HDAC9: variants seen among roughly 807,000 people sequenced by gnomAD.
The protein encoded by HDAC9 is MEF-2 interacting transcription repressor (MITR) protein.
A neutral mutation model predicts 139.4 loss-of-function variants in HDAC9; 41 were observed. The observed-to-expected ratio is 0.29, with a 90% confidence interval of 0.23 to 0.38. The LOEUF (loss-of-function observed/expected upper bound fraction) is 0.38. HDAC9 is among the 10% of genes least tolerant of loss of function. HDAC9 has a pLI of 1.00. For synonymous variants in HDAC9, 517 were observed against 476.2 expected, an observed-to-expected ratio of 1.09 and a Z score of -1.12; for missense variants, 1,147 against 1,297.0, an observed-to-expected ratio of 0.88 and a Z score of 1.78.
At chr7:18,156,676 A>C (rs1182096054) in intron 1 of HDAC9, among the ~76,000 whole-genome samples, 2 of 152,230 alleles carry the variant, frequency 1.3e-5, no homozygotes, top group African/African-American at 4.8e-5. Flanking sequence ...ATCATGGATG[A>C]AAGTACTCCA....
chr7:18,981,343 G>A (rs77174882), intron 25 of HDAC9, among the ~76,000 whole-genome samples: 18,961 of 152,060 alleles, frequency 0.12, 1,265 homozygotes, highest in Middle Eastern at 0.18. Context: ...AAGTGTTAGG[G>A]GCCAGGATCA....
intron 1 of HDAC9, among the ~76,000 whole-genome samples, chr7:18,295,345 C>G (rs1380079682): frequency 6.6e-6 from 1 of 151,928 alleles, no homozygotes; most frequent in Non-Finnish European, 1.5e-5. Flanking sequence ...TGCTAAGGAG[C>G]TAATAAATAA....
intron 12 of HDAC9, among the ~76,000 whole-genome samples, chr7:18,713,179 A>G (rs564717571): frequency 6.7e-6 from 1 of 150,120 alleles, no homozygotes; most frequent in African/African-American, 2.4e-5. Flanking sequence ...TGAGTGTCAT[A>G]AAAAAAAAAT....
At chr7:18,836,817 G>C (rs1184005816) in intron 21 of HDAC9, among the ~76,000 whole-genome samples, 2 of 152,066 alleles carry the variant, frequency 1.3e-5, no homozygotes, top group East Asian at 3.9e-4. Context: ...TTTGGAAGAG[G>C]TTTTAGCCTA....
rs1786486581 is a variant in HDAC9, at chr7:18,996,726, T to TA, written c.*666dup. 6.6e-6 allele frequency: 1 copy of TA among 152,192 alleles called. No homozygotes were observed. The highest frequency in any genetic ancestry group is 6.5e-5 in the Admixed American group (1 of 15,280). 9.4% of individuals were successfully genotyped at this position (152,192 alleles called of 1,614,324 possible). A position where few individuals can be genotyped will look rare whatever the true frequency, so the allele number is the denominator to read the frequency against. On this transcript the variant is annotated 3_prime_UTR_variant, in exon 26 of 26. Transcript: ENST00000686413. ...CCAAAGGAACCTCACACACTGTTTGTAATGGTGCAATATTTTATATCACTT... is the reference window on the plus strand; with the variant it reads ...CCAAAGGAACCTCACACACTGTTTGTAAATGGTGCAATATTTTATATCACTT...
At chr7:18,402,923 C>T (rs575927997) in intron 1 of HDAC9, among the ~76,000 whole-genome samples, 51 of 152,020 alleles carry the variant, frequency 3.4e-4, no homozygotes, top group Non-Finnish European at 6.2e-4. Context: ...CTAAACAGAG[C>T]GATTATATAA....
chr7:18,782,021 C>T (rs1463336922), intron 16 of HDAC9, among the ~76,000 whole-genome samples: 1 of 152,042 alleles, frequency 6.6e-6, no homozygotes, highest in Non-Finnish European at 1.5e-5. Context: ...AATGAAAAAC[C>T]TCTGTTTCTT....
intron 3 of HDAC9, among the ~76,000 whole-genome samples, chr7:18,586,633 G>T (rs1049294391): frequency 1.3e-5 from 2 of 151,840 alleles, no homozygotes; most frequent in Non-Finnish European, 2.9e-5. Context: ...TATATTACTT[G>T]GTTTACAAGA....
chr7:18,606,453 A>G (rs967782210), intron 6 of HDAC9, among the ~76,000 whole-genome samples: 5 of 152,218 alleles, frequency 3.3e-5, no homozygotes, highest in African/African-American at 1.2e-4. Context: ...ATCAGTGTCC[A>G]GCTTGCTCAT....
Position 18,771,237 on chromosome 7 carries a change from C to A in HDAC9, c.2214+4082C>A, listed in dbSNP as rs149574015. ...AGTCAATCTGTGAACACAAAGCTAG[C>A]TTTTTATTACGACTTTTACTCTGTT... On this transcript the variant is annotated intron_variant, in intron 16 of 25. Coordinates refer to ENST00000686413, the MANE Select transcript of HDAC9 (RefSeq NM_178425.4). Among the ~76,000 whole-genome samples, 355 of 152,178 alleles carry A rather than the reference C, an allele frequency of 2.3e-3. 2 individuals carry two copies. Among genetic ancestry groups the A allele is most frequent in the Admixed American group, 5.0e-3 (76 of 15,276 alleles).
At chr7:18,444,446 T>A (rs1208964535) in intron 1 of HDAC9, among the ~76,000 whole-genome samples, 2 of 151,910 alleles carry the variant, frequency 1.3e-5, no homozygotes, top group African/African-American at 2.4e-5. Flanking sequence ...CACACTCAGT[T>A]ACATATCTTG....
chr7:18,696,327 A>G (rs533123191), intron 12 of HDAC9, among the ~76,000 whole-genome samples: 3 of 148,790 alleles, frequency 2.0e-5, no homozygotes, highest in Non-Finnish European at 3.0e-5. Flanking sequence ...CTATATTATA[A>G]TTATATACTT....
At chr7:18,356,222 T>C (rs1423501503) in intron 1 of HDAC9, among the ~76,000 whole-genome samples, 1 of 152,132 alleles carries the variant, frequency 6.6e-6, no homozygotes, top group East Asian at 1.9e-4. Context: ...CTTCTCTAAT[T>C]TGAAGTATGA....
At chr7:18,449,391 A>G (rs1792589033) in intron 1 of HDAC9, among the ~76,000 whole-genome samples, 1 of 152,202 alleles carries the variant, frequency 6.6e-6, no homozygotes, top group African/African-American at 2.4e-5. Flanking sequence ...TATATGACTC[A>G]ATTTTTATAA....
intron 1 of HDAC9, among the ~76,000 whole-genome samples, chr7:18,102,005 T>C (rs1436152401): frequency 1.3e-5 from 2 of 152,208 alleles, no homozygotes; most frequent in Non-Finnish European, 2.9e-5. Flanking sequence ...GGAGGTTCTG[T>C]AGTTCATGGA....
chr7:18,604,329 G>T (rs1431525295), intron 6 of HDAC9, among the ~76,000 whole-genome samples: 17 of 151,816 alleles, frequency 1.1e-4, no homozygotes, highest in Admixed American at 1.0e-3. Flanking sequence ...TTTCTTTTTA[G>T]GGAGTTTCTA....
intron 13 of HDAC9, among the ~76,000 whole-genome samples, chr7:18,744,521 T>C (rs991038715): frequency 3.3e-5 from 5 of 152,160 alleles, no homozygotes; most frequent in African/African-American, 1.2e-4. Flanking sequence ...TTCCCAGAAA[T>C]GCAATATGAA....
At chr7:18,733,349 A>G (rs549664775) in intron 13 of HDAC9, among the ~76,000 whole-genome samples, 4 of 150,138 alleles carry the variant, frequency 2.7e-5, no homozygotes, top group Non-Finnish European at 5.9e-5. Flanking sequence ...GTGTGTGTGT[A>G]TGTATGCCTG....
chr7:18,823,235 A>G (rs1290986645), intron 17 of HDAC9, among the ~76,000 whole-genome samples: 1 of 152,192 alleles, frequency 6.6e-6, no homozygotes, highest in Non-Finnish European at 1.5e-5. Flanking sequence ...TGCTGCTACT[A>G]TCTAGTGAAA....
Sources: allele counts gnomAD v4.1 joint callset (sites outside exome capture counted in the v4.1 genomes callset), GRCh38; gene constraint gnomAD v4.1.1; transcripts MANE v1.5; gene names NCBI Gene and HGNC (gene_info 2026-07-23, HGNC 2026-07-21).